The following CAMKMT variants were observed in gnomAD, a reference collection of about 807,000 sequenced individuals.
CAMKMT encodes the protein CaM KMT.
Under a neutral mutation model 48.0 loss-of-function variants are expected in CAMKMT, and 53 were observed. The ratio of observed to expected loss-of-function variants is 1.10; its 90% CI spans 0.89 to 1.39. CAMKMT has a LOEUF of 1.39. Among genes scored for constraint, CAMKMT ranks in the 40% most tolerant of loss-of-function variants. The probability of loss-of-function intolerance (pLI) is 0.00; values close to 1 mark genes in which losing one functional copy is unlikely to be tolerated. For synonymous variants in CAMKMT, 165 were observed against 152.3 expected, an observed-to-expected ratio of 1.08 and a Z score of -0.61; for missense variants, 428 against 402.7, an observed-to-expected ratio of 1.06 and a Z score of -0.54.
chr2:44,414,092 G>A (rs886189620), intron 3 of CAMKMT, among the ~76,000 whole-genome samples: 4 of 152,170 alleles, frequency 2.6e-5, no homozygotes, highest in Middle Eastern at 6.8e-3. Flanking sequence ...TCCCAAACCT[G>A]TCCCACATCC....
At chr2:44,585,488 G>A (rs1408196469) in intron 3 of CAMKMT, among the ~76,000 whole-genome samples, 2 of 152,080 alleles carry the variant, frequency 1.3e-5, no homozygotes, top group African/African-American at 2.4e-5. Flanking sequence ...TGTTATGAAG[G>A]GCTTAGTGTC....
intron 9 of CAMKMT, among the ~76,000 whole-genome samples, chr2:44,763,166 C>A (rs1260859330): frequency 6.6e-6 from 1 of 152,134 alleles, no homozygotes; most frequent in Non-Finnish European, 1.5e-5. Context: ...GGGCTCTTTT[C>A]CATCCTAACT....
intron 3 of CAMKMT, among the ~76,000 whole-genome samples, chr2:44,684,946 C>T (rs1676251801): frequency 6.6e-6 from 1 of 151,746 alleles, no homozygotes. Context: ...GCATTTAAAG[C>T]TCAGCAAATA....
chr2:44,714,325 T>C (rs1193339549), intron 6 of CAMKMT, among the ~76,000 whole-genome samples: 1 of 152,144 alleles, frequency 6.6e-6, no homozygotes, highest in Non-Finnish European at 1.5e-5. Context: ...AACCTGACTA[T>C]TTTTTCCAAC....
At chr2:44,463,891 G>T (rs1051141051) in intron 3 of CAMKMT, among the ~76,000 whole-genome samples, 1 of 152,166 alleles carries the variant, frequency 6.6e-6, no homozygotes, top group Non-Finnish European at 1.5e-5. Flanking sequence ...GGGAGAGGTG[G>T]CTGTTTTTCA....
chr2:44,726,863 A>G (rs1016998735), intron 7 of CAMKMT, among the ~76,000 whole-genome samples: 3 of 152,160 alleles, frequency 2.0e-5, no homozygotes, highest in Non-Finnish European at 2.9e-5. Context: ...AGCACCATTT[A>G]TTGAACAGGG....
intron 9 of CAMKMT, among the ~76,000 whole-genome samples, 156 bp downstream of exon 9, chr2:44,754,274 C>G (rs1295633241): frequency 6.6e-6 from 1 of 152,176 alleles, no homozygotes; most frequent in Non-Finnish European, 1.5e-5. Flanking sequence ...CTATTAGATT[C>G]TTTCCTAATC....
intron 3 of CAMKMT, among the ~76,000 whole-genome samples, chr2:44,454,675 A>G (rs1458476478): frequency 6.6e-6 from 1 of 152,064 alleles, no homozygotes; most frequent in Non-Finnish European, 1.5e-5. Context: ...TCTCTATTTT[A>G]CTTATCTCTT....
At chr2:44,768,634 C>T (rs1184597541) in intron 10 of CAMKMT, among the ~76,000 whole-genome samples, 1 of 152,094 alleles carries the variant, frequency 6.6e-6, no homozygotes, top group Non-Finnish European at 1.5e-5. Context: ...GGCGGAGGCC[C>T]AAGGCAGCAC....
intron 2 of CAMKMT, among the ~76,000 whole-genome samples, chr2:44,387,626 G>C (rs1226130999): frequency 6.6e-6 from 1 of 152,024 alleles, no homozygotes; most frequent in Non-Finnish European, 1.5e-5. Flanking sequence ...TATAGGTCCT[G>C]TGTGATTTAT....
intron 3 of CAMKMT, among the ~76,000 whole-genome samples, chr2:44,445,839 T>G (rs1666964976): frequency 6.6e-6 from 1 of 151,932 alleles, no homozygotes; most frequent in Non-Finnish European, 1.5e-5. Context: ...TTTCAGACCA[T>G]CAAACTCCAA....
chr2:44,474,802 A>G (rs1668602191), intron 3 of CAMKMT, among the ~76,000 whole-genome samples: 1 of 152,200 alleles, frequency 6.6e-6, no homozygotes, highest in Admixed American at 6.5e-5. Context: ...CTGTAAATAC[A>G]TGGAAACCCT....
intron 3 of CAMKMT, among the ~76,000 whole-genome samples, chr2:44,520,564 A>G (rs994628968): frequency 6.6e-6 from 1 of 152,258 alleles, no homozygotes; most frequent in Non-Finnish European, 1.5e-5. Context: ...TGCTCCTCTT[A>G]TTTCAAATGC....
At chr2:44,530,720 CT>C (rs1251487734) in intron 3 of CAMKMT, among the ~76,000 whole-genome samples, 1 of 151,958 alleles carries the variant, frequency 6.6e-6, no homozygotes, top group Non-Finnish European at 1.5e-5. Context: ...CACCCTGCCC[CT>C]ATCTTATATA....
At chr2:44,524,307 A>G (rs2104807049) in intron 3 of CAMKMT, among the ~76,000 whole-genome samples, 1 of 152,294 alleles carries the variant, frequency 6.6e-6, no homozygotes, top group South Asian at 2.1e-4. Flanking sequence ...CTTCGTAGCC[A>G]GTAACATTAC....
chr2:44,453,861 G>T (rs558953614), intron 3 of CAMKMT, among the ~76,000 whole-genome samples: 1 of 151,934 alleles, frequency 6.6e-6, no homozygotes, highest in Non-Finnish European at 1.5e-5. Context: ...AGATTAAGAG[G>T]TGTTTTTCTA....
chr2:44,743,855 T>A (rs990612584), intron 8 of CAMKMT, among the ~76,000 whole-genome samples, 159 bp downstream of exon 8: 3 of 152,228 alleles, frequency 2.0e-5, no homozygotes, highest in African/African-American at 7.2e-5. Context: ...GTGACAGTTA[T>A]AAGGTAGTCT....
At position 44,400,930 on chromosome 2, in the gene CAMKMT, GTATATATATATATATA is replaced by G. The variant is rs755352747; in HGVS notation, c.376+10641_376+10656del. On this transcript the variant is annotated intron_variant, in intron 3 of 10. Coordinates refer to ENST00000378494, the MANE Select transcript of CAMKMT (RefSeq NM_024766.5). ...TATGTGCATGTATACTTATGTGTGT[GTATATATATATATATA>G]TATATATATATATATGTATGTACAT... 1.0e-3 allele frequency: 64 copies of G among 64,248 alleles called. 1 individual carries two copies. Among genetic ancestry groups the G allele is most frequent in the Non-Finnish European group, 7.6e-4 (27 of 35,652 alleles). The allele number at this position is 64,248 out of a possible 1,614,324, so 4.0% of individuals were successfully genotyped here. A position where few individuals can be genotyped will look rare whatever the true frequency, so the allele number is the denominator to read the frequency against.
At chr2:44,467,551 C>A (rs868439107) in intron 3 of CAMKMT, among the ~76,000 whole-genome samples, 6 of 140,014 alleles carry the variant, frequency 4.3e-5, no homozygotes, top group East Asian at 2.0e-4. Flanking sequence ...GAAAAAAAAA[C>A]AAAAAAAAAC....
Sources: gnomAD v4.1 joint callset for allele counts (sites outside exome capture counted in the v4.1 genomes callset) on GRCh38, gnomAD v4.1.1 for gene constraint, MANE v1.5 for transcripts, NCBI Gene and HGNC (gene_info 2026-07-23, HGNC 2026-07-21) for gene names.